IQSEC1: variants seen among roughly 807,000 people sequenced by gnomAD.
The protein encoded by IQSEC1 is IQ motif and SEC7 domain-containing protein 1.
A neutral mutation model predicts 91.0 loss-of-function variants in IQSEC1; 31 were observed. The ratio of observed to expected loss-of-function variants is 0.34; its 90% confidence interval spans 0.26 to 0.46. IQSEC1 has a LOEUF of 0.46. IQSEC1 is among the 20% of genes least tolerant of loss of function. The pLI is 1.00. For missense variants in IQSEC1, 1,388 were observed against 1,575.6 expected (o/e 0.88, Z 2.02); for synonymous variants, 699 against 662.6 (o/e 1.05, Z -0.84).
At chr3:13,159,364 G>A (rs1707129841) in intron 2 of IQSEC1, among the ~76,000 whole-genome samples, 1 of 152,092 alleles carries the variant, frequency 6.6e-6, no homozygotes. Flanking sequence ...GGGAAGTGAA[G>A]GTTACAGTGA....
chr3:13,179,283 A>G (rs1338358180), intron 1 of IQSEC1, among the ~76,000 whole-genome samples: 2 of 152,260 alleles, frequency 1.3e-5, no homozygotes, highest in Non-Finnish European at 2.9e-5. Flanking sequence ...GCCCTGGCAT[A>G]CCACATTCAA....
chr3:13,085,378 C>G (rs570922622), intron 2 of IQSEC1, among the ~76,000 whole-genome samples: 1 of 152,098 alleles, frequency 6.6e-6, no homozygotes, highest in African/African-American at 2.4e-5. Flanking sequence ...GGGAACTGTG[C>G]AAGCAGAGGG....
At chr3:13,045,918 G>A (rs2125051716) in intron 1 of IQSEC1, among the ~76,000 whole-genome samples, 1 of 152,362 alleles carries the variant, frequency 6.6e-6, no homozygotes, top group South Asian at 2.1e-4. Context: ...GTGTCAAAAT[G>A]GGGGCTGTGT....
intron 1 of IQSEC1, among the ~76,000 whole-genome samples, chr3:13,218,032 C>T (rs778532939): frequency 6.6e-6 from 1 of 152,216 alleles, no homozygotes; most frequent in Non-Finnish European, 1.5e-5. Flanking sequence ...ATGCTAGCCC[C>T]CCACCTAAAG....
intron 1 of IQSEC1, among the ~76,000 whole-genome samples, chr3:13,212,447 CA>C (rs1267758374): frequency 6.6e-6 from 1 of 152,154 alleles, no homozygotes; most frequent in Non-Finnish European, 1.5e-5. Flanking sequence ...GTGTTGTTTC[CA>C]CTTTCTGGTT....
At chr3:12,946,437 C>A (rs1308716611) in intron 1 of IQSEC1, among the ~76,000 whole-genome samples, 1 of 152,240 alleles carries the variant, frequency 6.6e-6, no homozygotes, top group Non-Finnish European at 1.5e-5. Context: ...GTCTCTGGAA[C>A]ATCCTATGAG....
chr3:12,899,547 G>A lies in IQSEC1; in HGVS notation c.*1436C>T, dbSNP rs1694009704. 2 of 1,508,350 alleles carry A rather than the reference G, an allele frequency of 1.3e-6. No homozygotes were observed. Among genetic ancestry groups the A allele is most frequent in the African/African-American group, 1.4e-5 (1 of 71,714 alleles). The allele number at this position is 1,508,350 out of a possible 1,614,324, so 93.4% of individuals were successfully genotyped here. ...AGAAGCGACAAGAGCACAGCTGAGA[G>A]TCATGTGATGCCCTGGCAGCTCACT... is the stretch of plus-strand genomic sequence containing the variant. On this transcript the variant is annotated 3_prime_UTR_variant, in exon 14 of 14. Coordinates refer to ENST00000613206, the MANE Select transcript of IQSEC1 (RefSeq NM_001134382.3).
chr3:13,171,975 C>T (rs1693624517), intron 1 of IQSEC1, among the ~76,000 whole-genome samples: 1 of 152,170 alleles, frequency 6.6e-6, no homozygotes, highest in South Asian at 2.1e-4. Context: ...GCACAAAACA[C>T]ATCCACACTC....
chr3:12,942,796 T>C (rs1373518001), intron 1 of IQSEC1, among the ~76,000 whole-genome samples: 1 of 152,216 alleles, frequency 6.6e-6, no homozygotes, highest in Non-Finnish European at 1.5e-5. Flanking sequence ...TGGGGTGTCC[T>C]GATCCAGCCT....
intron 2 of IQSEC1, among the ~76,000 whole-genome samples, chr3:13,092,376 C>T (rs981022590): frequency 2.0e-5 from 3 of 152,100 alleles, no homozygotes; most frequent in African/African-American, 7.2e-5. Context: ...CAAAGAGATA[C>T]CTGCAAAACA....
intron 1 of IQSEC1, among the ~76,000 whole-genome samples, chr3:12,974,130 G>A (rs546838065): frequency 1.5e-4 from 23 of 152,346 alleles, no homozygotes; most frequent in African/African-American, 5.3e-4. Flanking sequence ...TCCCCCGCAA[G>A]GAGAAATGAA....
intron 1 of IQSEC1, among the ~76,000 whole-genome samples, chr3:13,278,768 G>C (rs192402215): frequency 6.7e-6 from 1 of 148,984 alleles, no homozygotes; most frequent in South Asian, 2.2e-4. Flanking sequence ...TCAGTGAGCC[G>C]AGATCACATC....
chr3:13,127,283 A>G (rs1706530454), intron 2 of IQSEC1, among the ~76,000 whole-genome samples: 1 of 152,040 alleles, frequency 6.6e-6, no homozygotes, highest in Non-Finnish European at 1.5e-5. Context: ...GTGTGGTGGC[A>G]GGCGCCTGTA....
chr3:13,001,617 T>C (rs2124831546), intron 1 of IQSEC1, among the ~76,000 whole-genome samples: 1 of 152,336 alleles, frequency 6.6e-6, no homozygotes, highest in South Asian at 2.1e-4. Flanking sequence ...TTTGTTAAAA[T>C]GGGGGAGGAG....
intron 1 of IQSEC1, among the ~76,000 whole-genome samples, chr3:13,268,811 A>C (rs1156251854): frequency 6.6e-6 from 1 of 152,132 alleles, no homozygotes; most frequent in Non-Finnish European, 1.5e-5. Flanking sequence ...GTTTGGTAGG[A>C]GGGCTTCCAA....
chr3:13,021,144 A>G (rs1195761005), intron 1 of IQSEC1, among the ~76,000 whole-genome samples: 1 of 152,212 alleles, frequency 6.6e-6, no homozygotes, highest in Admixed American at 6.5e-5. Context: ...CCTTCCATAT[A>G]CAAATTCGGG....
intron 1 of IQSEC1, among the ~76,000 whole-genome samples, chr3:13,265,897 A>C (rs1381555615): frequency 1.3e-5 from 2 of 148,724 alleles, no homozygotes; most frequent in African/African-American, 2.5e-5. Context: ...ATTTAAAAAA[A>C]AAAAAAGATG....
chr3:13,073,651 A>G (rs932498442), upstream of IQSEC1, among the ~76,000 whole-genome samples: 2 of 152,216 alleles, frequency 1.3e-5, no homozygotes, highest in African/African-American at 4.8e-5. Context: ...GTCTGTTGCT[A>G]AAATGCACGC....
At chr3:13,250,854 G>A (rs1345606181) in intron 1 of IQSEC1, among the ~76,000 whole-genome samples, 1 of 151,980 alleles carries the variant, frequency 6.6e-6, no homozygotes, top group Non-Finnish European at 1.5e-5. Flanking sequence ...TCACTTGCCT[G>A]GATCATTGCA....
Sources: allele counts gnomAD v4.1 joint callset (sites outside exome capture counted in the v4.1 genomes callset), GRCh38; gene constraint gnomAD v4.1.1; transcripts MANE v1.5; gene names NCBI Gene and HGNC (gene_info 2026-07-23, HGNC 2026-07-21).